GGA1: variants seen among roughly 807,000 people sequenced by gnomAD.
GGA1 encodes ADP-ribosylation factor-binding protein GGA1.
Under a neutral mutation model 76.9 loss-of-function variants are expected in GGA1, and 18 were observed. The observed-to-expected ratio is 0.23, with a 90% confidence interval of 0.16 to 0.35. The LOEUF (loss-of-function observed/expected upper bound fraction) is 0.35, where lower values mean the gene tolerates loss of function less well. GGA1 is among the 10% of genes least tolerant of loss of function. The pLI is 1.00. For synonymous variants in GGA1, 342 were observed against 354.7 expected, an observed-to-expected ratio of 0.96 and a Z score of 0.40; for missense variants, 755 against 859.0, an observed-to-expected ratio of 0.88 and a Z score of 1.51.
intron 3 of GGA1, 132 bp from the exon 4 acceptor site, chr22:37,618,316 C>G (rs1376316621): frequency 9.8e-6 from 6 of 615,006 alleles, no homozygotes; most frequent in African/African-American, 5.5e-5. Context: ...TCTGAATCTT[C>G]CAACCTCACA....
chr22:37,632,617 G>T lies in GGA1; in HGVS notation c.1826G>T (p.Arg609Leu). ...ANPQKEKVRL[R>L]YKLTFTMGDQ... ...CTTCCCCAGGAGAAGGTTCGCCTCC[G>T]CTACAAGCTCACCTTCACCATGGGT... Residue 609 changes from arginine (R) to leucine (L), a missense_variant, in exon 17 of 17, where the codon CGC becomes CTC. Coordinates refer to ENST00000343632, the MANE Select transcript of GGA1 (RefSeq NM_013365.5). The surrounding 1 kb of genome is among the most constrained non-coding windows in gnomAD (Gnocchi z 5.1). 3 of 1,612,640 alleles carry T rather than the reference G, an allele frequency of 1.9e-6. No homozygotes were observed. Among genetic ancestry groups the T allele is most frequent in the Non-Finnish European group, 2.5e-6 (3 of 1,178,802 alleles).
chr22:37,621,553 C>T (rs1439685481), intron 6 of GGA1, 63 bp from the exon 7 acceptor site: 17 of 1,031,422 alleles, frequency 1.6e-5, no homozygotes, highest in Non-Finnish European at 2.4e-5. Context: ...CATCATGTGA[C>T]TCCAGTCTTC....
In GGA1 at chr22:37,625,995, TG is replaced by T; in HGVS notation, c.1093+50del. ...GGAGGAGGGCGGGCTCAGCAGCAGA[TG>T]GGGCATGATCCCAGGGCCCACTCAC... is the stretch of plus-strand genomic sequence containing the variant. On this transcript the variant is annotated intron_variant, in intron 11 of 16. Coordinates refer to ENST00000343632, the MANE Select transcript of GGA1 (RefSeq NM_013365.5). This position sits in a 1 kb window ranked among gnomAD's most constrained non-coding sequence, Gnocchi z 4.1. 6.7e-7 allele frequency: 1 copy of T among 1,491,750 alleles called. No individual in the cohort carries two copies. Among genetic ancestry groups the T allele is most frequent in the South Asian group, 1.2e-5 (1 of 81,370 alleles). The allele number at this position is 1,491,750 out of a possible 1,614,324, so 92.4% of individuals were successfully genotyped here.
At position 37,625,754 on chromosome 22, in the gene GGA1, C is replaced by CGT. The variant is rs371098121; in HGVS notation, c.941-40_941-39dup. 1,003 of 1,487,354 alleles carry CGT rather than the reference C, an allele frequency of 6.7e-4. 11 individuals are homozygous for CGT. In the African/African-American group the frequency reaches 0.013, roughly 19 times the overall value. The allele number at this position is 1,487,354 out of a possible 1,614,324, so 92.1% of individuals were successfully genotyped here. On this transcript the variant is annotated intron_variant, in intron 10 of 16. Coordinates refer to ENST00000343632, the MANE Select transcript of GGA1 (RefSeq NM_013365.5). The surrounding 1 kb of genome is among the most constrained non-coding windows in gnomAD (Gnocchi z 4.1). ...CAACCCCTGTGGACTCTGAGAGACA[C>CGT]GTGTACACCCAGGACTTGCCAGCCT...
At position 37,625,460 on chromosome 22, in the gene GGA1, G is replaced by A. The variant is rs187542458; in HGVS notation, c.941-337G>A. On this transcript the variant is annotated intron_variant, in intron 10 of 16. Coordinates refer to ENST00000343632, the MANE Select transcript of GGA1 (RefSeq NM_013365.5). The surrounding 1 kb of genome is among the most constrained non-coding windows in gnomAD (Gnocchi z 4.1). Reference sequence around the variant, plus strand: ...TAATAAGGGTAAGATGGCAGCCTTGGGGGGTCACAAAAGGGGTTAGAATTG... The same window carrying A: ...TAATAAGGGTAAGATGGCAGCCTTGAGGGGTCACAAAAGGGGTTAGAATTG... Among the ~76,000 whole-genome samples, 476 of 152,236 alleles carry A rather than the reference G, an allele frequency of 3.1e-3. 5 individuals are homozygous for A. The highest frequency in any genetic ancestry group is 1.1e-3 in the Non-Finnish European group (75 of 68,000).
Position 37,623,516 on chromosome 22 carries a change from A to T in GGA1, c.751-36A>T. Reference sequence around the variant, plus strand: ...CCACTCCCTGCCCACTCCACAGCCCACGCGGACCCTGACCCGCCCATCCTG... The same window carrying T: ...CCACTCCCTGCCCACTCCACAGCCCTCGCGGACCCTGACCCGCCCATCCTG... On this transcript the variant is annotated intron_variant, in intron 8 of 16. Transcript: ENST00000343632. This position sits in a 1 kb window ranked among gnomAD's most constrained non-coding sequence, Gnocchi z 4.6. The T allele has an allele frequency of 6.2e-7, 1 of 1,612,846 alleles. No homozygotes were observed. Among genetic ancestry groups the T allele is most frequent in the Non-Finnish European group, 8.5e-7 (1 of 1,179,188 alleles).
At position 37,618,331 on chromosome 22, in the gene GGA1, A is replaced by G. The variant is rs1464894871; in HGVS notation, c.205-117A>G. 6 of 639,624 alleles carry G rather than the reference A, an allele frequency of 9.4e-6. No homozygotes were observed. In the East Asian group the frequency reaches 1.7e-4, roughly 18 times the overall value. The allele number at this position is 639,624 out of a possible 1,614,324, so 39.6% of individuals were successfully genotyped here. ...TCTGAATCTTCCAACCTCACAGGCC[A>G]TTCCCTCCCTTCTGAAAGCCCACCC... On this transcript the variant is annotated intron_variant, in intron 3 of 16. Transcript: ENST00000343632.
At chr22:37,611,672 C>T (rs1363422327) in intron 1 of GGA1, among the ~76,000 whole-genome samples, 1 of 152,168 alleles carries the variant, frequency 6.6e-6, no homozygotes, top group Non-Finnish European at 1.5e-5. Flanking sequence ...TCCCCAGCCT[C>T]CTGTCCACAG....
intron 12 of GGA1, 93 bp from the exon 13 acceptor site, chr22:37,629,904 AT>A: frequency 1.1e-6 from 1 of 889,808 alleles, no homozygotes; most frequent in Non-Finnish European, 1.7e-6. Context: ...CCCAGATGTC[AT>A]TTGCAAGGAG....
At chr22:37,618,778 G>A (rs933797650) in intron 4 of GGA1, among the ~76,000 whole-genome samples, 12 of 152,170 alleles carry the variant, frequency 7.9e-5, no homozygotes, top group Non-Finnish European at 1.3e-4. Flanking sequence ...GGCCAGGGGC[G>A]GGGCAGCCAT....
rs1172340662 is a variant in GGA1, at chr22:37,623,741, C to G, written c.832+108C>G. On this transcript the variant is annotated intron_variant, in intron 9 of 16. Transcript: ENST00000343632. This position sits in a 1 kb window ranked among gnomAD's most constrained non-coding sequence, Gnocchi z 4.6. ...ATCTGCAGTTGGAAGGAGCCACCACCAGGGGGCCCCCTTCTCCAGCACCGA... is the reference window on the plus strand; with the variant it reads ...ATCTGCAGTTGGAAGGAGCCACCACGAGGGGGCCCCCTTCTCCAGCACCGA... 19 of 802,246 alleles carry G rather than the reference C, an allele frequency of 2.4e-5. No individual in the cohort carries two copies. The highest frequency in any genetic ancestry group is 3.7e-5 in the Non-Finnish European group (18 of 488,564). 49.7% of individuals were successfully genotyped at this position (802,246 alleles called of 1,614,324 possible).
Position 37,625,809 on chromosome 22 carries a change from C to A in GGA1, c.953C>A (p.Ala318Asp). The change falls in exon 11 of 17, where the codon GCC becomes GAC. Residue 318 changes from alanine to aspartate, a missense_variant. Transcript: ENST00000343632. The surrounding 1 kb of genome is among the most constrained non-coding windows in gnomAD (Gnocchi z 4.1). The part of the protein sequence containing the change: ...TAGSIPGSTS[A>D]LLDLSGLDLP... Reference sequence around the variant, plus strand: ...TTTCCCACCCCAGGGAGCACCTCGGCCCTGCTGGATCTCTCAGGCCTGGAT... The same window carrying A: ...TTTCCCACCCCAGGGAGCACCTCGGACCTGCTGGATCTCTCAGGCCTGGAT... The A allele has an allele frequency of 1.3e-6, 2 of 1,590,056 alleles. No homozygotes were observed. Among genetic ancestry groups the A allele is most frequent in the South Asian group, 1.1e-5 (1 of 87,894 alleles).
In GGA1 at chr22:37,624,044, A is replaced by G. The variant is rs1193762786; in HGVS notation, c.832+411A>G. On this transcript the variant is annotated intron_variant, in intron 9 of 16. Transcript: ENST00000343632. The surrounding 1 kb of genome is among the most constrained non-coding windows in gnomAD (Gnocchi z 4.3). ...AAGCTAAGAGTGCATCCCACAGCCC[A>G]GGCAGTTCCAGACCTGAGCCTGACG... is the stretch of plus-strand genomic sequence containing the variant. The G allele has an allele frequency of 1.5e-5, 3 of 203,260 alleles. No individual in the cohort carries two copies. The highest frequency in any genetic ancestry group is 2.1e-5 in the Non-Finnish European group (2 of 96,930). The allele number at this position is 203,260 out of a possible 1,614,324, so 12.6% of individuals were successfully genotyped here.
At position 37,633,459 on chromosome 22, in the gene GGA1, A is replaced by G. The variant is rs1339999220; in HGVS notation, c.*748A>G. 2 of 151,484 alleles carry G rather than the reference A, an allele frequency of 1.3e-5. No individual in the cohort carries two copies. Among genetic ancestry groups the G allele is most frequent in the Non-Finnish European group, 1.5e-5 (1 of 67,880 alleles). 9.4% of individuals were successfully genotyped at this position (151,484 alleles called of 1,614,324 possible). The stretch of plus-strand genomic sequence containing the variant: ...TCATTGGCCTCTGCTGGGGCCTCCT[A>G]TGGGTGTCTTACGTCTGTCCATCCA... On this transcript the variant is annotated 3_prime_UTR_variant, in exon 17 of 17. Transcript: ENST00000343632.
At chr22:37,629,344 T>A (rs1184111101) in intron 11 of GGA1, 118 bp from the exon 12 acceptor site, 9 of 687,474 alleles carry the variant, frequency 1.3e-5, no homozygotes, top group Non-Finnish European at 2.2e-5. Context: ...GTTTCTCCCC[T>A]CCGTGCTGAG....
chr22:37,621,513 C>T, intron 6 of GGA1, 103 bp from the exon 7 acceptor site: 1 of 713,458 alleles, frequency 1.4e-6, no homozygotes, highest in South Asian at 1.7e-5. Context: ...AAGTAACTTA[C>T]TCAGGTCCCA....
chr22:37,627,350 A>G (rs1449686335), intron 11 of GGA1, among the ~76,000 whole-genome samples: 1 of 152,008 alleles, frequency 6.6e-6, no homozygotes, highest in East Asian at 1.9e-4. Context: ...GGGGAAGGAG[A>G]GCTGAGGGGA....
Position 37,623,216 on chromosome 22 carries a change from C to A in GGA1, c.610-111C>A. The A allele has an allele frequency of 9.5e-7, 1 of 1,055,500 alleles. No individual in the cohort carries two copies. Among genetic ancestry groups the A allele is most frequent in the Non-Finnish European group, 1.5e-6 (1 of 686,104 alleles). The allele number at this position is 1,055,500 out of a possible 1,614,324, so 65.4% of individuals were successfully genotyped here. A position where few individuals can be genotyped will look rare whatever the true frequency, so the allele number is the denominator to read the frequency against. The stretch of plus-strand genomic sequence containing the variant: ...GAGCCCCACCCAGAGTGTGATCCCA[C>A]AGTCACCCAGCTGTCAACCCAGATC... On this transcript the variant is annotated intron_variant, in intron 7 of 16. Transcript: ENST00000343632. This position sits in a 1 kb window ranked among gnomAD's most constrained non-coding sequence, Gnocchi z 4.6.
chr22:37,617,295 C>G (rs1928995427), intron 3 of GGA1: 1 of 1,297,968 alleles, frequency 7.7e-7, no homozygotes, highest in African/African-American at 1.5e-5. Context: ...GCGTGTTCAA[C>G]ACATGGAATC....
Sources: gnomAD v4.1 joint callset for allele counts (sites outside exome capture counted in the v4.1 genomes callset) on GRCh38, gnomAD v4.1.1 for gene constraint, Gnocchi (gnomAD v3.1) non-coding constraint, MANE v1.5 for transcripts, NCBI Gene and HGNC (gene_info 2026-07-23, HGNC 2026-07-21) for gene names.